The following DR1 variants were observed in gnomAD, a reference collection of about 807,000 sequenced individuals.
The protein encoded by DR1 is protein Dr1.
Under a neutral mutation model 19.9 loss-of-function variants are expected in DR1, and 7 were observed. That is an observed-to-expected ratio of 0.35 (90% confidence interval 0.20 to 0.66). DR1 has a LOEUF of 0.66. DR1 is among the 30% of genes least tolerant of loss of function. The probability of loss-of-function intolerance (pLI) is 0.66; values close to 1 mark genes in which losing one functional copy is unlikely to be tolerated. For missense variants in DR1, 98 were observed against 203.7 expected (o/e 0.48, Z 3.16); for synonymous variants, 76 against 72.5 (o/e 1.05, Z -0.24).
At chr1:93,347,885 ATTAAAG>A (rs1427396874) in intron 1 of DR1, among the ~76,000 whole-genome samples, 1 of 152,170 alleles carries the variant, frequency 6.6e-6, no homozygotes, top group Non-Finnish European at 1.5e-5. Flanking sequence ...TAATAATCTA[ATTAAAG>A]TTATTGATTG....
At chr1:93,360,210 T>A (rs1288441799) in intron 2 of DR1, among the ~76,000 whole-genome samples, 2 of 152,104 alleles carry the variant, frequency 1.3e-5, no homozygotes. Flanking sequence ...ACTTCTTCAG[T>A]TGAATCAAAG....
chr1:93,349,415 C>T (rs1666891195), intron 1 of DR1, among the ~76,000 whole-genome samples: 1 of 152,042 alleles, frequency 6.6e-6, no homozygotes, highest in Non-Finnish European at 1.5e-5. Flanking sequence ...TGAATGAGTT[C>T]TAACATGTTC....
At chr1:93,348,324 A>G (rs557350398) in intron 1 of DR1, among the ~76,000 whole-genome samples, 1 of 152,092 alleles carries the variant, frequency 6.6e-6, no homozygotes, top group African/African-American at 2.4e-5. Context: ...GATTGCTGTC[A>G]TAAGTCTTTC....
intron 2 of DR1, among the ~76,000 whole-genome samples, chr1:93,359,275 G>A (rs934257591): frequency 6.6e-6 from 1 of 152,124 alleles, no homozygotes; most frequent in Non-Finnish European, 1.5e-5. Flanking sequence ...TGGTTATGCT[G>A]GGCATCACTG....
At position 93,360,734 on chromosome 1, in the gene DR1, C is replaced by T. The variant is rs1257395501; in HGVS notation, c.*95C>T. Reference sequence around the variant, plus strand: ...TGCTTATCTGTAATTTTGTATGCATCTTGGTGGACTTGTCATTGGTATTCT... The same window carrying T: ...TGCTTATCTGTAATTTTGTATGCATTTTGGTGGACTTGTCATTGGTATTCT... On this transcript the variant is annotated 3_prime_UTR_variant, in exon 3 of 3. Coordinates refer to ENST00000370272, the MANE Select transcript of DR1 (RefSeq NM_001938.3). 3.7e-6 allele frequency: 5 copies of T among 1,340,720 alleles called. No individual in the cohort carries two copies. In the African/African-American group the frequency reaches 6.0e-5, roughly 16 times the overall value. The allele number at this position is 1,340,720 out of a possible 1,614,324, so 83.1% of individuals were successfully genotyped here. A position where few individuals can be genotyped will look rare whatever the true frequency, so the allele number is the denominator to read the frequency against.
rs1477848532 is a variant in DR1 at position 93,369,293 on chromosome 1, A to G, written c.*8654A>G. The G allele has an allele frequency of 6.6e-6, 1 of 152,154 alleles. No homozygotes were observed. Among genetic ancestry groups the G allele is most frequent in the Non-Finnish European group, 1.5e-5 (1 of 68,008 alleles). 9.4% of individuals were successfully genotyped at this position (152,154 alleles called of 1,614,324 possible). ...TAAAATAAATGACCTTTATTTGAAG[A>G]TCTTTTAAAAAAATTATAAGCCTGC... On this transcript the variant is annotated 3_prime_UTR_variant, in exon 3 of 3. Coordinates refer to ENST00000370272, the MANE Select transcript of DR1 (RefSeq NM_001938.3).
chr1:93,347,095 G>T (rs1666855798), intron 1 of DR1, among the ~76,000 whole-genome samples: 1 of 152,152 alleles, frequency 6.6e-6, no homozygotes, highest in Non-Finnish European at 1.5e-5. Flanking sequence ...TTAGGTCAGC[G>T]TCCCCAAAAC....
chr1:93,358,520 C>G (rs371294242), intron 2 of DR1, among the ~76,000 whole-genome samples: 6 of 152,158 alleles, frequency 3.9e-5, no homozygotes, highest in African/African-American at 7.2e-5. Context: ...CCCCATCCCC[C>G]CACTCTGGCA....
At chr1:93,349,250 A>T (rs1253508842) in intron 1 of DR1, among the ~76,000 whole-genome samples, 1 of 152,112 alleles carries the variant, frequency 6.6e-6, no homozygotes, top group Non-Finnish European at 1.5e-5. Flanking sequence ...TATCTATGAA[A>T]TAACTTATTT....
chr1:93,353,477 A>T (rs544407528), intron 1 of DR1, among the ~76,000 whole-genome samples: 115 of 152,278 alleles, frequency 7.6e-4, no homozygotes, highest in Non-Finnish European at 1.5e-3. Flanking sequence ...CAAAAGAAAA[A>T]CTTCTGTTCT....
In DR1 at chr1:93,346,218, A is replaced by C. The variant is rs552834499; in HGVS notation, c.-428A>C. 3 of 233,190 alleles carry C rather than the reference A, an allele frequency of 1.3e-5. No individual in the cohort carries two copies. Among genetic ancestry groups the C allele is most frequent in the Non-Finnish European group, 2.6e-5 (3 of 116,364 alleles). 14.4% of individuals were successfully genotyped at this position (233,190 alleles called of 1,614,324 possible). A position where few individuals can be genotyped will look rare whatever the true frequency, so the allele number is the denominator to read the frequency against. ...CAGCGGCAGCGGGGCCTCGGGCTCT[A>C]TAGAGCCGAGCCCGCTGGGTACCCG... On this transcript the variant is annotated 5_prime_UTR_variant, in exon 1 of 3. Coordinates refer to ENST00000370272, the MANE Select transcript of DR1 (RefSeq NM_001938.3).
At chr1:93,359,875 T>A (rs1667032796) in intron 2 of DR1, among the ~76,000 whole-genome samples, 2 of 152,138 alleles carry the variant, frequency 1.3e-5, no homozygotes, top group Non-Finnish European at 2.9e-5. Context: ...TTTGTATGTG[T>A]GTATATGCAA....
chr1:93,349,398 G>A (rs958084954), intron 1 of DR1, among the ~76,000 whole-genome samples: 3 of 152,048 alleles, frequency 2.0e-5, no homozygotes, highest in African/African-American at 7.2e-5. Flanking sequence ...TTGTGAACAC[G>A]TATTCTTGAA....
chr1:93,350,212 A>G (rs1490729237), intron 1 of DR1, among the ~76,000 whole-genome samples: 1 of 152,138 alleles, frequency 6.6e-6, no homozygotes, highest in Non-Finnish European at 1.5e-5. Flanking sequence ...CATGCTAGGT[A>G]CTACTAAGGA....
chr1:93,346,967 A>T (rs1666853158), intron 1 of DR1, 102 bp downstream of exon 1: 1 of 1,080,244 alleles, frequency 9.3e-7, no homozygotes. Context: ...TTCCCTGGTA[A>T]GTAACTTAAT....
At position 93,346,624 on chromosome 1, in the gene DR1, G is replaced by A; in HGVS notation, c.-22G>A. The A allele has an allele frequency of 6.2e-7, 1 of 1,606,794 alleles. No homozygotes were observed. ...AGCTGGGGAGTTTTTAAAAGCCGGG[G>A]CGCGAGAAACAGGAAGGTACTATGG... On this transcript the variant is annotated 5_prime_UTR_variant, in exon 1 of 3. Transcript: ENST00000370272.
rs1465138417 is a variant in DR1, at chr1:93,364,665, C to T, written c.*4026C>T. On this transcript the variant is annotated 3_prime_UTR_variant, in exon 3 of 3. Coordinates refer to ENST00000370272, the MANE Select transcript of DR1 (RefSeq NM_001938.3). ...ATAAAGTGTCATGGTTAGGATCGGCCAGGGTGAAGAGAATGATAACATAAG... is the reference window on the plus strand; with the variant it reads ...ATAAAGTGTCATGGTTAGGATCGGCTAGGGTGAAGAGAATGATAACATAAG... The T allele has an allele frequency of 1.3e-5, 2 of 152,038 alleles. No homozygotes were observed. Among genetic ancestry groups the T allele is most frequent in the African/African-American group, 4.8e-5 (2 of 41,358 alleles). The allele number at this position is 152,038 out of a possible 1,614,324, so 9.4% of individuals were successfully genotyped here. A position where few individuals can be genotyped will look rare whatever the true frequency, so the allele number is the denominator to read the frequency against.
rs1667199309 is a variant in DR1 at position 93,368,727 on chromosome 1, A to G, written c.*8088A>G. On this transcript the variant is annotated 3_prime_UTR_variant, in exon 3 of 3. Coordinates refer to ENST00000370272, the MANE Select transcript of DR1 (RefSeq NM_001938.3). ...TTTATTTCCAAAACACTTATTTGGT[A>G]TATTACATAGGATAGAGTATGTTTT... 6.6e-6 allele frequency: 1 copy of G among 152,194 alleles called. No individual in the cohort carries two copies. The highest frequency in any genetic ancestry group is 1.5e-5 in the Non-Finnish European group (1 of 68,036). 9.4% of individuals were successfully genotyped at this position (152,194 alleles called of 1,614,324 possible). A position where few individuals can be genotyped will look rare whatever the true frequency, so the allele number is the denominator to read the frequency against.
chr1:93,360,086 ATCAAAG>A (rs1403016828), intron 2 of DR1, among the ~76,000 whole-genome samples: 1 of 152,186 alleles, frequency 6.6e-6, no homozygotes, highest in Non-Finnish European at 1.5e-5. Context: ...AAATGTTTGT[ATCAAAG>A]TTGTAATATG....
Sources: allele counts gnomAD v4.1 joint callset (sites outside exome capture counted in the v4.1 genomes callset), GRCh38; gene constraint gnomAD v4.1.1; transcripts MANE v1.5; gene names NCBI Gene and HGNC (gene_info 2026-07-23, HGNC 2026-07-21).